The following SLC47A2 variants were observed in gnomAD, a reference collection of about 807,000 sequenced individuals.
SLC47A2 encodes multidrug and toxin extrusion protein 2.
A neutral mutation model predicts 67.7 loss-of-function variants in SLC47A2; 52 were observed. That is an observed-to-expected ratio of 0.77 (90% CI 0.61 to 0.97). The LOEUF (loss-of-function observed/expected upper bound fraction) is 0.97. Ranked by LOEUF, SLC47A2 falls within the 50% of genes least tolerant of loss-of-function variation. The pLI is 0.00. For missense variants in SLC47A2, 676 were observed against 712.3 expected, an observed-to-expected ratio of 0.95 and a Z score of 0.58; for synonymous variants, 278 against 292.9, an observed-to-expected ratio of 0.95 and a Z score of 0.52.
rs146809707 is a variant in SLC47A2, at chr17:19,703,584, G to A, written c.1019-417C>T. ...AACCACTGCTTTCTACAGGGAAGCC[G>A]GTCTGAGCCTTCCAGTCTCAGAAAG... On this transcript the variant is annotated intron_variant, in intron 11 of 16. Coordinates refer to ENST00000433844, the MANE Select transcript of SLC47A2 (RefSeq NM_001099646.3). Among the ~76,000 whole-genome samples, 613 of 152,350 alleles carry A rather than the reference G, an allele frequency of 4.0e-3. 2 individuals are homozygous for A. The highest frequency in any genetic ancestry group is 0.014 in the African/African-American group (598 of 41,578).
rs35086555 is a variant in SLC47A2 at position 19,701,167 on chromosome 17, C to CAA, written c.1164+1436_1164+1437dup. 2.2e-3 allele frequency among the ~76,000 whole-genome samples: 144 copies of CAA among 64,684 alleles called. 2 individuals carry two copies. Among genetic ancestry groups the CAA allele is most frequent in the Middle Eastern group, 8.6e-3 (1 of 116 alleles). 42.4% of individuals were successfully genotyped at this position (64,684 alleles called of 152,430 possible). A position where few individuals can be genotyped will look rare whatever the true frequency, so the allele number is the denominator to read the frequency against. ...TGGGCGACAGAATGAGACTCTGTCT[C>CAA]AAAAAAAAAAAAAAAAAAAAATAGT... On this transcript the variant is annotated intron_variant, in intron 13 of 16. Transcript: ENST00000433844.
chr17:19,680,230 C>G (rs567842976), intron 15 of SLC47A2, among the ~76,000 whole-genome samples, 191 bp from the exon 16 acceptor site: 1 of 152,282 alleles, frequency 6.6e-6, no homozygotes, highest in Admixed American at 6.5e-5. Context: ...GTAATCCCAG[C>G]ACTTTGGGAG....
intron 13 of SLC47A2, among the ~76,000 whole-genome samples, chr17:19,696,483 G>T (rs867550908): frequency 1.4e-5 from 2 of 139,118 alleles, no homozygotes; most frequent in South Asian, 4.3e-4. Flanking sequence ...AAAAAATAGA[G>T]AGAATTTGGA....
chr17:19,697,088 G>A (rs897264888), intron 13 of SLC47A2, among the ~76,000 whole-genome samples: 2 of 152,080 alleles, frequency 1.3e-5, no homozygotes, highest in Admixed American at 1.3e-4. Flanking sequence ...TCAGGAGTTC[G>A]AGACCATCCT....
At chr17:19,688,866 CTT>C (rs561794495) in intron 13 of SLC47A2, among the ~76,000 whole-genome samples, 24 of 138,196 alleles carry the variant, frequency 1.7e-4, no homozygotes, top group Admixed American at 1.5e-4. Flanking sequence ...CTGGTGATAT[CTT>C]TTTTTTTTTT....
chr17:19,708,581 G>A (rs1230856333), intron 6 of SLC47A2, 135 bp downstream of exon 6: 4 of 1,601,144 alleles, frequency 2.5e-6, no homozygotes, highest in Non-Finnish European at 3.4e-6. Context: ...GGATATGGCA[G>A]GTGGGTTGGA....
intron 10 of SLC47A2, chr17:19,705,114 G>T: frequency 2.5e-6 from 1 of 395,062 alleles, no homozygotes; most frequent in Non-Finnish European, 4.5e-6. Context: ...GAGCCACTGC[G>T]CCCAGCCTGG....
intron 11 of SLC47A2, among the ~76,000 whole-genome samples, chr17:19,703,369 A>C (rs2085840293): frequency 6.6e-6 from 1 of 152,200 alleles, no homozygotes; most frequent in South Asian, 2.1e-4. Context: ...GCAGTGTGGA[A>C]AATGCTTCCA....
Position 19,716,433 on chromosome 17 carries a change from C to A in SLC47A2, c.123G>T (p.Leu41=). 6.2e-7 allele frequency: 1 copy of A among 1,608,810 alleles called. No homozygotes were observed. Among genetic ancestry groups the A allele is most frequent in the Non-Finnish European group, 8.5e-7 (1 of 1,177,718 alleles). Reference sequence around the variant, plus strand: ...CTGCCCCCCAGCTCCTCCTCCTTACCAGGGGTCCAGAAAGGGCAAAGAGAG... The same window carrying A: ...CTGCCCCCCAGCTCCTCCTCCTTACAAGGGGTCCAGAAAGGGCAAAGAGAG... The part of the protein sequence containing the change: ...MWTLFALSGP[L]FLFQVLTFMI... The change falls in exon 1 of 17, where the codon CTG becomes CTT. Residue 41 remains leucine, a splice_region_variant and synonymous_variant. Transcript: ENST00000433844.
rs778887931 is a variant in SLC47A2 at position 19,678,730 on chromosome 17, G to C, written c.1657C>G (p.Leu553Val). ...GAALGAASAT[L>V]MVGLTVRILA... ...ATCCTGACCGTGAGCCCCACCATCA[G>C]TGTGGCTGACGCCGCCCCCAGAGCA... is the stretch of plus-strand genomic sequence containing the variant. Residue 553 changes from leucine (L) to valine (V), a missense_variant, in exon 17 of 17, where the codon CTG (leucine) becomes GTG (valine). Coordinates refer to ENST00000433844, the MANE Select transcript of SLC47A2 (RefSeq NM_001099646.3). The C allele has an allele frequency of 6.2e-7, 1 of 1,613,728 alleles. No homozygotes were observed. Among genetic ancestry groups the C allele is most frequent in the East Asian group, 2.2e-5 (1 of 44,878 alleles).
chr17:19,692,245 A>G (rs1294434393), intron 13 of SLC47A2: 1 of 422,196 alleles, frequency 2.4e-6, no homozygotes, highest in Non-Finnish European at 4.6e-6. Flanking sequence ...AAAAAAAGAA[A>G]AAGAAAAGAT....
intron 13 of SLC47A2, among the ~76,000 whole-genome samples, chr17:19,681,923 C>T (rs563707604): frequency 2.6e-5 from 4 of 152,204 alleles, no homozygotes; most frequent in Non-Finnish European, 5.9e-5. Context: ...ACTGCCACAC[C>T]ATATGGCCTC....
upstream of SLC47A2, chr17:19,716,743 C>A: frequency 1.2e-6 from 1 of 846,376 alleles, no homozygotes; most frequent in Non-Finnish European, 1.7e-6. Flanking sequence ...GTCCCTGCTG[C>A]CAAGCCTACT....
chr17:19,680,929 C>G (rs1368421815), intron 15 of SLC47A2, among the ~76,000 whole-genome samples: 1 of 152,148 alleles, frequency 6.6e-6, no homozygotes, highest in South Asian at 2.1e-4. Context: ...CCTCTGTAAT[C>G]CCCCACAAAA....
At chr17:19,699,534 A>G (rs914162788) in intron 13 of SLC47A2, among the ~76,000 whole-genome samples, 15 of 151,214 alleles carry the variant, frequency 9.9e-5, no homozygotes, top group African/African-American at 3.6e-4. Flanking sequence ...GTGTGTGCCA[A>G]CCCCGCCTCC....
chr17:19,701,928 CT>C (rs1041849186), intron 13 of SLC47A2, among the ~76,000 whole-genome samples: 1 of 152,034 alleles, frequency 6.6e-6, no homozygotes, highest in Non-Finnish European at 1.5e-5. Context: ...TAGTGTGACC[CT>C]GTCTCTACAA....
chr17:19,706,524 G>T (rs1169151267), intron 9 of SLC47A2, 124 bp downstream of exon 9: 6 of 720,892 alleles, frequency 8.3e-6, no homozygotes, highest in Non-Finnish European at 1.3e-5. Context: ...CTGGAAGGGG[G>T]CTGGTGAGCT....
intron 5 of SLC47A2, among the ~76,000 whole-genome samples, chr17:19,711,389 C>T (rs1292684077): frequency 1.9e-4 from 29 of 150,794 alleles, no homozygotes; most frequent in African/African-American, 6.1e-4. Context: ...GTCAGGAGTT[C>T]GAGACCAGCC....
chr17:19,704,811 G>A (rs781005163), intron 10 of SLC47A2: 65 of 573,004 alleles, frequency 1.1e-4, no homozygotes, highest in Admixed American at 2.8e-4. Context: ...CCTGCTGCTC[G>A]ATGGAATGTG....
Sources: allele counts gnomAD v4.1 joint callset (sites outside exome capture counted in the v4.1 genomes callset), GRCh38; gene constraint gnomAD v4.1.1; transcripts MANE v1.5; gene names NCBI Gene and HGNC (gene_info 2026-07-23, HGNC 2026-07-21).